The following DNM1L variants were observed in gnomAD, a reference collection of about 807,000 sequenced individuals.
The protein encoded by DNM1L is dynamin 1L.
In DNM1L, 33 loss-of-function variants were observed where a neutral mutation model predicts 92.8. The ratio of observed to expected loss-of-function variants is 0.36; its 90% CI spans 0.27 to 0.48. DNM1L has a LOEUF of 0.48. DNM1L is among the 20% of genes least tolerant of loss of function. DNM1L has a pLI of 0.99. For missense variants in DNM1L, 485 were observed against 888.8 expected (o/e 0.55, Z 5.78); for synonymous variants, 284 against 305.0 (o/e 0.93, Z 0.72).
intron 9 of DNM1L, 112 bp from the exon 10 acceptor site, chr12:32,730,902 C>G (rs1285636474): frequency 3.4e-6 from 5 of 1,484,568 alleles, no homozygotes; most frequent in Non-Finnish European, 4.7e-6. Flanking sequence ...AATTGTTTAT[C>G]TGAGGCTTTC....
chr12:32,697,487 T>G (rs961657151), intron 1 of DNM1L, among the ~76,000 whole-genome samples: 1 of 152,210 alleles, frequency 6.6e-6, no homozygotes, highest in Non-Finnish European at 1.5e-5. Context: ...AGTAATAATG[T>G]TCGTGGTGGT....
chr12:32,692,821 CA>C (rs543412800), intron 1 of DNM1L: 3 of 152,322 alleles, frequency 2.0e-5, no homozygotes, highest in Admixed American at 2.0e-4. Flanking sequence ...CACTCACTAT[CA>C]GTCACAAAGT....
chr12:32,683,629 C>G (rs1951887901), intron 1 of DNM1L, among the ~76,000 whole-genome samples: 1 of 152,130 alleles, frequency 6.6e-6, no homozygotes, highest in Non-Finnish European at 1.5e-5. Context: ...ACTGCAACCT[C>G]CGCTTCCCGA....
chr12:32,683,133 T>C (rs576186709), intron 1 of DNM1L, among the ~76,000 whole-genome samples: 14 of 152,382 alleles, frequency 9.2e-5, no homozygotes, highest in African/African-American at 2.4e-4. Flanking sequence ...TTAGTGTTCC[T>C]AGTAATGTAC....
rs182756299 is a variant in DNM1L, at chr12:32,701,420, C to T, written c.108C>T (p.Ser36=). The T allele has an allele frequency of 8.7e-6, 14 of 1,613,848 alleles. No homozygotes were observed. Among genetic ancestry groups the T allele is most frequent in the East Asian group, 6.7e-5 (3 of 44,858 alleles). ...PQIVVVGTQS[S]GKSSVLESLV... ...TGTATATATTCTGTTTTCAGAGCAG[C>T]GGAAAGAGCTCAGTGCTAGAAAGCC... The change falls in exon 2 of 20, where the codon AGC becomes AGT. Residue 36 remains serine, a synonymous_variant. Transcript: ENST00000549701.
In DNM1L at chr12:32,717,392, TATATATA is replaced by T. The variant is rs1360473369; in HGVS notation, c.620-1236_620-1230del. 2.1e-3 allele frequency among the ~76,000 whole-genome samples: 144 copies of T among 67,288 alleles called. 2 individuals carry two copies. Among genetic ancestry groups the T allele is most frequent in the Middle Eastern group, 8.1e-3 (1 of 124 alleles). 44.1% of individuals were successfully genotyped at this position (67,288 alleles called of 152,430 possible). A position where few individuals can be genotyped will look rare whatever the true frequency, so the allele number is the denominator to read the frequency against. The stretch of plus-strand genomic sequence containing the variant: ...TATATATACTATATATAATATATAG[TATATATA>T]ATATATAATATATATTTTAAATATA... On this transcript the variant is annotated intron_variant, in intron 6 of 19. Coordinates refer to ENST00000549701, the MANE Select transcript of DNM1L (RefSeq NM_012062.5).
chr12:32,717,268 A>T (rs1227446815), intron 6 of DNM1L, among the ~76,000 whole-genome samples: 1 of 101,524 alleles, frequency 9.8e-6, no homozygotes, highest in Non-Finnish European at 1.8e-5. Context: ...GTATATATAT[A>T]CTATATATTA....
At chr12:32,715,764 C>T (rs1021406983) in intron 6 of DNM1L, among the ~76,000 whole-genome samples, 1 of 151,984 alleles carries the variant, frequency 6.6e-6, no homozygotes, top group African/African-American at 2.4e-5. Context: ...CTGAAAAATA[C>T]CATAGGTAAA....
At chr12:32,736,559 C>T (rs1209322185) in intron 13 of DNM1L, among the ~76,000 whole-genome samples, 1 of 152,220 alleles carries the variant, frequency 6.6e-6, no homozygotes, top group Non-Finnish European at 1.5e-5. Flanking sequence ...GTTGTCAACA[C>T]TATTTCCTGG....
At chr12:32,720,235 A>G (rs1371269529) in intron 7 of DNM1L, among the ~76,000 whole-genome samples, 1 of 152,142 alleles carries the variant, frequency 6.6e-6, no homozygotes, top group Non-Finnish European at 1.5e-5. Flanking sequence ...CGTTGTTTGT[A>G]GATGATTGTT....
intron 3 of DNM1L, 107 bp downstream of exon 3, chr12:32,707,520 A>T: frequency 1.4e-6 from 1 of 732,254 alleles, no homozygotes; most frequent in Non-Finnish European, 2.2e-6. Context: ...TTTTAAAGTA[A>T]CTATAACTAT....
At chr12:32,681,992 T>C (rs1951823974) in intron 1 of DNM1L, among the ~76,000 whole-genome samples, 1 of 151,966 alleles carries the variant, frequency 6.6e-6, no homozygotes, top group African/African-American at 2.4e-5. Flanking sequence ...AGACCCTGAT[T>C]CTTCCAAAAA....
intron 6 of DNM1L, among the ~76,000 whole-genome samples, chr12:32,717,567 A>AAT (rs1953518378): frequency 8.3e-6 from 1 of 121,056 alleles, no homozygotes; most frequent in South Asian, 2.3e-4. Context: ...TTCAGTTACA[A>AAT]ATATATATAC....
intron 5 of DNM1L, 87 bp downstream of exon 5, chr12:32,711,102 C>G: frequency 8.8e-7 from 1 of 1,141,652 alleles, no homozygotes; most frequent in Admixed American, 1.7e-5. Context: ...TTTTTGCAAT[C>G]ACTTTGATCT....
chr12:32,711,098 C>G (rs1336024843), intron 5 of DNM1L, 83 bp downstream of exon 5: 1 of 1,199,428 alleles, frequency 8.3e-7, no homozygotes. Context: ...CTTCTTTTTG[C>G]AATCACTTTG....
intron 1 of DNM1L, among the ~76,000 whole-genome samples, chr12:32,693,457 A>G (rs1262351032): frequency 6.6e-6 from 1 of 152,172 alleles, no homozygotes; most frequent in Non-Finnish European, 1.5e-5. Flanking sequence ...TGGTTGAATT[A>G]TCTTTTCTTC....
chr12:32,685,377 T>G (rs909035039), intron 1 of DNM1L, among the ~76,000 whole-genome samples: 1 of 139,962 alleles, frequency 7.1e-6, no homozygotes, highest in African/African-American at 2.7e-5. Context: ...TTTTTTTTTT[T>G]TGAGACAGGG....
intron 2 of DNM1L, among the ~76,000 whole-genome samples, chr12:32,702,233 CAAAA>C (rs1179046487): frequency 1.8e-3 from 145 of 81,336 alleles, no homozygotes; most frequent in South Asian, 8.6e-3. Context: ...GACTCCGTCT[CAAAA>C]AAAAAAAAAA....
At chr12:32,737,808 C>T in intron 14 of DNM1L, 57 bp from the exon 15 acceptor site, 2 of 1,273,816 alleles carry the variant, frequency 1.6e-6, no homozygotes, top group South Asian at 2.4e-5. Flanking sequence ...ATAGAATGTT[C>T]CTGAATGCAT....
Sources: gnomAD v4.1 joint callset for allele counts (sites outside exome capture counted in the v4.1 genomes callset) on GRCh38, gnomAD v4.1.1 for gene constraint, MANE v1.5 for transcripts, NCBI Gene and HGNC (gene_info 2026-07-23, HGNC 2026-07-21) for gene names.